Variants in FAM149A observed in about 807,000 individuals in gnomAD.
The protein encoded by FAM149A is protein FAM149A.
In FAM149A, 71 loss-of-function variants were observed where a neutral mutation model predicts 78.2. The observed-to-expected ratio is 0.91, with a 90% CI of 0.75 to 1.11. FAM149A has a LOEUF of 1.11. Among genes scored for constraint, FAM149A ranks in the 50% least tolerant of loss-of-function variants. FAM149A has a pLI of 0.00. For missense variants in FAM149A, 1,036 were observed against 971.0 expected (o/e 1.07, Z -0.89); for synonymous variants, 446 against 410.5 (o/e 1.09, Z -1.04).
At chr4:186,136,824 T>G (rs899838645) in intron 1 of FAM149A, among the ~76,000 whole-genome samples, 12 of 152,154 alleles carry the variant, frequency 7.9e-5, no homozygotes, top group African/African-American at 2.9e-4. Flanking sequence ...CCTAAGAAGG[T>G]GGCTCTGCCT....
intron 6 of FAM149A, 71 bp downstream of exon 6, chr4:186,154,709 A>G: frequency 1.3e-6 from 2 of 1,482,678 alleles, no homozygotes; most frequent in Admixed American, 2.1e-5. Flanking sequence ...TTGTTATCGT[A>G]TGCTCATTAA....
chr4:186,157,613 C>T lies in FAM149A; in HGVS notation c.1469C>T (p.Pro490Leu), dbSNP rs548671208. 6.3e-5 allele frequency: 102 copies of T among 1,614,116 alleles called. No homozygotes were observed. In the South Asian group the frequency reaches 8.3e-4, roughly 13 times the overall value. The change falls in exon 8 of 14, where the codon CCG becomes CTG. Residue 490 changes from proline to leucine, a missense_variant. Coordinates refer to ENST00000389354, the MANE Select transcript of FAM149A (RefSeq NM_001367768.3). ...TTGAAAGTGGCTGGAAACAGATTTC[C>T]GCACGTCCTCGTTCCACACGCTCAC...
At chr4:186,154,731 AT>A (rs1733897500) in intron 6 of FAM149A, 93 bp downstream of exon 6, 2 of 1,448,634 alleles carry the variant, frequency 1.4e-6, no homozygotes, top group Middle Eastern at 2.5e-4. Context: ...TGTTTTGTGT[AT>A]TTTTTACTCA....
rs537234714 is a variant in FAM149A, at chr4:186,126,870, A to G, written c.566+21228A>G. The G allele has an allele frequency of 2.2e-4, 221 of 984,860 alleles. 1 individual carries two copies. In the African/African-American group the frequency reaches 3.6e-3, roughly 16 times the overall value. The allele number at this position is 984,860 out of a possible 1,614,324, so 61.0% of individuals were successfully genotyped here. On this transcript the variant is annotated intron_variant, in intron 1 of 13. Transcript: ENST00000389354. ...TTCTGTTTCTCTGGAGAACCCCAATACAGGGGGAGGAAGAGACACTTGCTC... is the reference window on the plus strand; with the variant it reads ...TTCTGTTTCTCTGGAGAACCCCAATGCAGGGGGAGGAAGAGACACTTGCTC...
At chr4:186,129,574 A>G (rs1429260536) in intron 1 of FAM149A, among the ~76,000 whole-genome samples, 1 of 152,204 alleles carries the variant, frequency 6.6e-6, no homozygotes, top group Non-Finnish European at 1.5e-5. Flanking sequence ...CACTAGGTTA[A>G]AGACCACGCA....
chr4:186,170,821 T>A (rs896026775), intron 13 of FAM149A: 1 of 152,268 alleles, frequency 6.6e-6, no homozygotes, highest in Non-Finnish European at 1.5e-5. Context: ...GGGACCTGTG[T>A]TCCTTGATGT....
intron 8 of FAM149A, among the ~76,000 whole-genome samples, chr4:186,160,395 C>A (rs970150324): frequency 3.5e-5 from 5 of 144,656 alleles, no homozygotes; most frequent in Non-Finnish European, 4.5e-5. Context: ...CACTCACACA[C>A]ACACTGCACA....
chr4:186,117,057 A>G (rs2099314040), intron 1 of FAM149A, among the ~76,000 whole-genome samples: 1 of 152,092 alleles, frequency 6.6e-6, no homozygotes, highest in Non-Finnish European at 1.5e-5. Flanking sequence ...CTTCTCATTC[A>G]TAAAATGGGA....
At chr4:186,120,023 G>T (rs1188115144) in intron 1 of FAM149A, among the ~76,000 whole-genome samples, 1 of 152,176 alleles carries the variant, frequency 6.6e-6, no homozygotes, top group African/African-American at 2.4e-5. Flanking sequence ...CCAAGGGAAG[G>T]TCTACCTCAG....
chr4:186,132,829 C>A (rs1364538274), intron 1 of FAM149A: 5 of 260,434 alleles, frequency 1.9e-5, no homozygotes, highest in Non-Finnish European at 2.4e-5. Flanking sequence ...CATGACTCAA[C>A]TTTCAGCTTA....
intron 1 of FAM149A, among the ~76,000 whole-genome samples, chr4:186,120,183 G>T (rs751746478): frequency 3.3e-5 from 5 of 152,176 alleles, no homozygotes; most frequent in Non-Finnish European, 7.3e-5. Context: ...ACCAAATACA[G>T]CATGCATGTT....
chr4:186,171,924 T>C lies in FAM149A; in HGVS notation c.2229T>C (p.Tyr743=). The stretch of plus-strand genomic sequence containing the variant: ...GCTTGGTGTTTCCAGGTTCACAATA[T>C]GTGCCTAAATCTTTTCAGAGGACAA... Residue 743 remains tyrosine, a synonymous_variant, in exon 14 of 14, where the codon TAT becomes TAC. Coordinates refer to ENST00000389354, the MANE Select transcript of FAM149A (RefSeq NM_001367768.3). The C allele has an allele frequency of 6.2e-7, 1 of 1,607,720 alleles. No individual in the cohort carries two copies. Among genetic ancestry groups the C allele is most frequent in the Non-Finnish European group, 8.5e-7 (1 of 1,177,768 alleles).
chr4:186,126,895 C>G lies in FAM149A; in HGVS notation c.566+21253C>G, dbSNP rs941017980. 39 of 985,346 alleles carry G rather than the reference C, an allele frequency of 4.0e-5. No homozygotes were observed. In the African/African-American group the frequency reaches 6.6e-4, roughly 17 times the overall value. 61.0% of individuals were successfully genotyped at this position (985,346 alleles called of 1,614,324 possible). A position where few individuals can be genotyped will look rare whatever the true frequency, so the allele number is the denominator to read the frequency against. ...ACAGGGGGAGGAAGAGACACTTGCT[C>G]TTTATAAATGGGCGGTGTATCACAA... is the stretch of plus-strand genomic sequence containing the variant. On this transcript the variant is annotated intron_variant, in intron 1 of 13. Transcript: ENST00000389354.
At position 186,105,326 on chromosome 4, in the gene FAM149A, G is replaced by A; in HGVS notation, c.250G>A (p.Ala84Thr). ...CTCCCCCTACTCCCGGGGCTCCGCCGCCAGCCGCGCCGCGGGAGCAGTGGG... is the reference window on the plus strand; with the variant it reads ...CTCCCCCTACTCCCGGGGCTCCGCCACCAGCCGCGCCGCGGGAGCAGTGGG... The change falls in exon 1 of 14, where the codon GCC (alanine) becomes ACC (threonine). Residue 84 changes from alanine to threonine, a missense_variant. Around this residue, in one of 3 missense-constraint regions of FAM149A, gnomAD observed 316 missense variants for 241.9 expected, o/e 1.31. Coordinates refer to ENST00000389354, the MANE Select transcript of FAM149A (RefSeq NM_001367768.3). The A allele has an allele frequency of 1.2e-5, 14 of 1,167,934 alleles. No individual in the cohort carries two copies. The highest frequency in any genetic ancestry group is 1.6e-5 in the South Asian group (1 of 61,856). The allele number at this position is 1,167,934 out of a possible 1,614,324, so 72.3% of individuals were successfully genotyped here. A position where few individuals can be genotyped will look rare whatever the true frequency, so the allele number is the denominator to read the frequency against.
At chr4:186,137,004 CTCTCTCTCTCTCTCTA>C (rs2099323576) in intron 1 of FAM149A, among the ~76,000 whole-genome samples, 3 of 134,960 alleles carry the variant, frequency 2.2e-5, no homozygotes, top group African/African-American at 8.6e-5. Context: ...CTCTCTCTCT[CTCTCTCTCTCTCTCTA>C]AGTGCTTAAA....
chr4:186,150,948 C>A (rs989546170), intron 3 of FAM149A: 1 of 746,064 alleles, frequency 1.3e-6, no homozygotes, highest in African/African-American at 1.9e-5. Context: ...TTTCGAACTC[C>A]TGACGTTGTG....
At chr4:186,153,435 T>C in intron 4 of FAM149A, 1 of 985,358 alleles carries the variant, frequency 1.0e-6, no homozygotes, top group Non-Finnish European at 1.2e-6. Flanking sequence ...GAAATTAGCC[T>C]GAGAACCTTG....
chr4:186,160,671 TACAC>T (rs905784495), intron 8 of FAM149A: 78 of 369,892 alleles, frequency 2.1e-4, no homozygotes, highest in East Asian at 4.0e-4. Context: ...ACCCCACACA[TACAC>T]ACACACCTTC....
intron 1 of FAM149A, among the ~76,000 whole-genome samples, chr4:186,136,976 T>TTCTCTCTCTC (rs70964917): frequency 7.5e-4 from 54 of 72,052 alleles, no homozygotes; most frequent in African/African-American, 1.3e-3. Context: ...CTCTCTCTCT[T>TTCTCTCTCTC]TCTCTCTCTC....
Sources: gnomAD v4.1 joint callset for allele counts (sites outside exome capture counted in the v4.1 genomes callset) on GRCh38, gnomAD v4.1.1 for gene constraint, gnomAD v4.1.1 regional missense constraint, MANE v1.5 for transcripts, NCBI Gene and HGNC (gene_info 2026-07-23, HGNC 2026-07-21) for gene names.